ADGRL2: variants seen among roughly 807,000 people sequenced by gnomAD.
ADGRL2 encodes calcium-independent alpha-latrotoxin receptor 2.
Under a neutral mutation model 157.4 loss-of-function variants are expected in ADGRL2, and 44 were observed. The ratio of observed to expected loss-of-function variants is 0.28; its 90% CI spans 0.22 to 0.36. The LOEUF (loss-of-function observed/expected upper bound fraction) is 0.36, where lower values mean the gene tolerates loss of function less well. ADGRL2 is among the 10% of genes least tolerant of loss of function. The pLI, the probability that ADGRL2 is intolerant of heterozygous loss-of-function variation, is 1.00. For synonymous variants in ADGRL2, 585 were observed against 624.7 expected (o/e 0.94, Z 0.95); for missense variants, 1,510 against 1,768.9 (o/e 0.85, Z 2.63).
intron 2 of ADGRL2, among the ~76,000 whole-genome samples, chr1:81,531,538 A>G (rs2079599202): frequency 6.6e-6 from 1 of 152,210 alleles, no homozygotes; most frequent in African/African-American, 2.4e-5. Context: ...AAGAAAACCA[A>G]ACTCTCATAA....
chr1:81,576,025 A>G (rs2148516402), intron 2 of ADGRL2, among the ~76,000 whole-genome samples: 1 of 152,274 alleles, frequency 6.6e-6, no homozygotes, highest in South Asian at 2.1e-4. Flanking sequence ...ATGAAATAGT[A>G]TGGGATTTAA....
chr1:81,627,726 G>T (rs1435858404), intron 3 of ADGRL2, among the ~76,000 whole-genome samples: 2 of 152,152 alleles, frequency 1.3e-5, no homozygotes, highest in Non-Finnish European at 1.5e-5. Context: ...GCTTGAACTG[G>T]ATCAGAATTA....
At chr1:81,343,171 C>T (rs1356724050) in intron 1 of ADGRL2, among the ~76,000 whole-genome samples, 2 of 148,378 alleles carry the variant, frequency 1.3e-5, no homozygotes, top group Non-Finnish European at 3.0e-5. Context: ...TCACTGCAAC[C>T]CTCCTCCTCC....
At chr1:81,635,263 AC>A (rs1157102889) in intron 3 of ADGRL2, among the ~76,000 whole-genome samples, 1 of 152,034 alleles carries the variant, frequency 6.6e-6, no homozygotes, top group Non-Finnish European at 1.5e-5. Context: ...TCCTGGGGTG[AC>A]TTCCCAAATA....
At chr1:81,365,020 C>T (rs946907669) in intron 1 of ADGRL2, among the ~76,000 whole-genome samples, 3 of 152,080 alleles carry the variant, frequency 2.0e-5, no homozygotes, top group Non-Finnish European at 4.4e-5. Flanking sequence ...GATAACCAAC[C>T]GTCCCCTGCA....
chr1:81,683,384 T>C (rs1422628164), intron 3 of ADGRL2, among the ~76,000 whole-genome samples: 1 of 152,170 alleles, frequency 6.6e-6, no homozygotes, highest in African/African-American at 2.4e-5. Flanking sequence ...GAGATTTTGG[T>C]GCATCCATCA....
intron 1 of ADGRL2, among the ~76,000 whole-genome samples, chr1:81,809,296 CAG>C (rs1200155689): frequency 6.6e-6 from 1 of 151,878 alleles, no homozygotes; most frequent in African/African-American, 2.4e-5. Context: ...TTAATAAAAA[CAG>C]AAATATATTG....
At chr1:81,833,770 C>T (rs1023474634) in intron 1 of ADGRL2, among the ~76,000 whole-genome samples, 47 of 152,108 alleles carry the variant, frequency 3.1e-4, no homozygotes, top group Admixed American at 1.8e-3. Context: ...GTACATTGCA[C>T]GTAGTGTATA....
At chr1:81,477,407 A>C (rs2078295056) in intron 2 of ADGRL2, among the ~76,000 whole-genome samples, 1 of 152,266 alleles carries the variant, frequency 6.6e-6, no homozygotes, top group Admixed American at 6.5e-5. Flanking sequence ...TACAGAAAAC[A>C]GGGCTGGAGC....
rs774269659 is a variant in ADGRL2 at position 81,837,015 on chromosome 1, C to G, written c.31C>G (p.Leu11Val). 1.9e-5 allele frequency: 30 copies of G among 1,593,646 alleles called. No individual in the cohort carries two copies. The highest frequency in any genetic ancestry group is 2.7e-5 in the African/African-American group (2 of 73,512). Residue 11 changes from leucine (L) to valine (V), a missense_variant, in exon 2 of 24, where the codon CTG (leucine) becomes GTG (valine). Physicochemically the swap from Leu to Val is conservative, Grantham distance 32 (BLOSUM62 1). Transcript: ENST00000686636. ...GTCTTCTGGTTGCAGAATGCGAAGT[C>G]TGTGGTTTATCATTGTAATCAGCTT... MVSSGCRMRS[L>V]WFIIVISFLP...
rs555792174 is a variant in ADGRL2 at position 81,654,906 on chromosome 1, A to G, written c.-143+73926A>G. On this transcript the variant is annotated intron_variant, in intron 3 of 24. Coordinates refer to the ADGRL2 transcript ENST00000370721. ...TAATCTCTCTTGCCTCAGCCTCCTC[A>G]CCTGCAAAATTGCTCAATAAATGTT... Among the ~76,000 whole-genome samples the G allele has an allele frequency of 9.2e-5, 14 of 152,230 alleles. 1 individual carries two copies. The highest frequency in any genetic ancestry group is 3.4e-3 in the Middle Eastern group (1 of 292).
At chr1:81,599,714 A>G (rs1157901844) in intron 3 of ADGRL2, among the ~76,000 whole-genome samples, 2 of 152,186 alleles carry the variant, frequency 1.3e-5, no homozygotes, top group African/African-American at 2.4e-5. Flanking sequence ...CATTGGTCCT[A>G]TGAAGCAGCT....
intron 2 of ADGRL2, among the ~76,000 whole-genome samples, chr1:81,873,212 A>G (rs1012697871): frequency 1.3e-5 from 2 of 152,098 alleles, no homozygotes; most frequent in African/African-American, 4.8e-5. Flanking sequence ...TGCTTTGAGT[A>G]TAAATGAAAC....
At chr1:81,557,517 G>GAAAGAAAGAA (rs1557459301) in intron 2 of ADGRL2, 1 of 150,252 alleles carries the variant, frequency 6.7e-6, no homozygotes, top group African/African-American at 2.5e-5. Context: ...AAGAAAGAAA[G>GAAAGAAAGAA]AAAGAAAGAG....
chr1:81,790,024 G>T (rs1209109569), intron 2 of ADGRL2, among the ~76,000 whole-genome samples: 1 of 151,970 alleles, frequency 6.6e-6, no homozygotes, highest in African/African-American at 2.4e-5. Flanking sequence ...AAAATACCAG[G>T]GTGCAAAACA....
At position 81,993,079 on chromosome 1, in the gene ADGRL2, ATATATATATT is replaced by A. The variant is rs1332393696; in HGVS notation, c.*1936_*1945del. Among the ~76,000 whole-genome samples the A allele has an allele frequency of 1.6e-3, 44 of 27,518 alleles. No homozygotes were observed. Among genetic ancestry groups the A allele is most frequent in the African/African-American group, 7.3e-3 (43 of 5,888 alleles). 18.1% of individuals were successfully genotyped at this position (27,518 alleles called of 152,430 possible). ...TATACATATATATATATATATATAT[ATATATATATT>A]TTTTTTTTTTTTTTTTTTTTTTTTT... On this transcript the variant is annotated 3_prime_UTR_variant, in exon 24 of 24. Coordinates refer to ENST00000686636, the MANE Select transcript of ADGRL2 (RefSeq NM_001366006.2).
chr1:81,554,738 GC>G (rs1377747621), intron 2 of ADGRL2, among the ~76,000 whole-genome samples: 1 of 152,012 alleles, frequency 6.6e-6, no homozygotes, highest in African/African-American at 2.4e-5. Context: ...TATTATATGA[GC>G]TTTTAAAAGC....
intron 1 of ADGRL2, among the ~76,000 whole-genome samples, chr1:81,807,970 TA>T (rs2089376993): frequency 6.6e-6 from 1 of 151,698 alleles, no homozygotes; most frequent in Non-Finnish European, 1.5e-5. Flanking sequence ...ATTATTTTTT[TA>T]CAAAAAACCT....
intron 3 of ADGRL2, among the ~76,000 whole-genome samples, chr1:81,920,947 T>G (rs2094963787): frequency 6.6e-6 from 1 of 152,158 alleles, no homozygotes; most frequent in Admixed American, 6.5e-5. Flanking sequence ...TTGTCATCCT[T>G]TTTCTTTAAT....
Sources: gnomAD v4.1 joint callset for allele counts (sites outside exome capture counted in the v4.1 genomes callset) on GRCh38, gnomAD v4.1.1 for gene constraint, MANE v1.5 for transcripts, NCBI Gene and HGNC (gene_info 2026-07-23, HGNC 2026-07-21) for gene names.